Variants in SNTB1 observed in about 807,000 individuals in gnomAD.
The protein encoded by SNTB1 is syntrophin beta 1.
SNTB1 carries 36 observed loss-of-function variants against 48.9 expected under a neutral mutation model. That is an observed-to-expected ratio of 0.74 (90% CI 0.56 to 0.97). The LOEUF is 0.97. Ranked by LOEUF, SNTB1 falls within the 50% of genes least tolerant of loss-of-function variation. The probability of loss-of-function intolerance (pLI) is 0.00; values close to 1 mark genes in which losing one functional copy is unlikely to be tolerated. For missense variants in SNTB1, 786 were observed against 703.4 expected (o/e 1.12, Z -1.33); for synonymous variants, 299 against 294.6 (o/e 1.01, Z -0.15).
chr8:120,633,364 G>C (rs1190166534), intron 2 of SNTB1, among the ~76,000 whole-genome samples: 2 of 152,144 alleles, frequency 1.3e-5, no homozygotes, highest in African/African-American at 4.8e-5. Flanking sequence ...CCAGCACTTT[G>C]GAAGGCTGAG....
chr8:120,724,039 T>C lies in SNTB1; in HGVS notation c.572-30131A>G, dbSNP rs1244148205. 2.6e-5 allele frequency among the ~76,000 whole-genome samples: 4 copies of C among 152,320 alleles called. No individual in the cohort carries two copies. The East Asian group carries it at 7.7e-4, about 29-fold the overall frequency. ...CTAGAGAGTCTGAAACTCAGCTCCATGAAAGAAAAAGATTACTTCAGGCTC... is the reference window on the plus strand; with the variant it reads ...CTAGAGAGTCTGAAACTCAGCTCCACGAAAGAAAAAGATTACTTCAGGCTC... On this transcript the variant is annotated intron_variant, in intron 1 of 6. Transcript: ENST00000517992.
chr8:120,690,927 G>A (rs1015592556), intron 2 of SNTB1, among the ~76,000 whole-genome samples: 2 of 152,150 alleles, frequency 1.3e-5, no homozygotes, highest in Non-Finnish European at 2.9e-5. Flanking sequence ...GAACCATCTG[G>A]CTTAGCTGGA....
chr8:120,676,558 A>G (rs765769585), intron 2 of SNTB1, among the ~76,000 whole-genome samples: 6 of 152,198 alleles, frequency 3.9e-5, no homozygotes, highest in African/African-American at 7.2e-5. Flanking sequence ...ATTGGTTTTT[A>G]ATGAAGTTTT....
intron 3 of SNTB1, among the ~76,000 whole-genome samples, chr8:120,605,049 C>A (rs1033905775): frequency 3.9e-5 from 6 of 152,216 alleles, no homozygotes; most frequent in Admixed American, 6.5e-5. Context: ...TTAATCTCCA[C>A]TCTCCCATTA....
intron 3 of SNTB1, among the ~76,000 whole-genome samples, chr8:120,604,115 T>G (rs953029533): frequency 6.6e-6 from 1 of 152,162 alleles, no homozygotes; most frequent in Non-Finnish European, 1.5e-5. Context: ...AAGGTGTAAG[T>G]TGAGGATGCC....
intron 1 of SNTB1, among the ~76,000 whole-genome samples, chr8:120,697,101 G>C (rs987799033): frequency 4.6e-5 from 7 of 152,228 alleles, no homozygotes; most frequent in Non-Finnish European, 1.0e-4. Context: ...CCACATAAGG[G>C]AAGAGTAATC....
intron 1 of SNTB1, among the ~76,000 whole-genome samples, chr8:120,712,410 A>G (rs369583780): frequency 8.1e-6 from 1 of 124,194 alleles, no homozygotes; most frequent in East Asian, 3.0e-4. Context: ...GTGAGACTCC[A>G]TCTCAAAAAA....
At chr8:120,646,555 G>C (rs1380538419) in intron 2 of SNTB1, among the ~76,000 whole-genome samples, 1 of 151,446 alleles carries the variant, frequency 6.6e-6, no homozygotes, top group African/African-American at 2.4e-5. Context: ...TGTGCTGCTG[G>C]ATTCGTTTTG....
chr8:120,725,470 A>G (rs1818736547), intron 1 of SNTB1, among the ~76,000 whole-genome samples: 1 of 152,182 alleles, frequency 6.6e-6, no homozygotes, highest in South Asian at 2.1e-4. Context: ...GAGTAATTTG[A>G]TGGAAAGGAA....
intron 1 of SNTB1, among the ~76,000 whole-genome samples, chr8:120,810,264 G>A (rs1820402468): frequency 6.6e-6 from 1 of 152,200 alleles, no homozygotes; most frequent in African/African-American, 2.4e-5. Flanking sequence ...TATGTACACA[G>A]CACTAAAGAG....
intron 2 of SNTB1, among the ~76,000 whole-genome samples, chr8:120,659,432 T>C (rs952604066): frequency 5.9e-5 from 9 of 152,206 alleles, no homozygotes; most frequent in African/African-American, 2.2e-4. Flanking sequence ...CGGTCACATC[T>C]TCAGGTCCCA....
chr8:120,543,539 C>G (rs1380907557), intron 5 of SNTB1, among the ~76,000 whole-genome samples: 1 of 152,104 alleles, frequency 6.6e-6, no homozygotes, highest in Non-Finnish European at 1.5e-5. Context: ...GTTTGGCTTT[C>G]AAAATTCAAA....
intron 1 of SNTB1, among the ~76,000 whole-genome samples, chr8:120,772,438 G>C (rs1404211870): frequency 6.6e-6 from 1 of 151,466 alleles, no homozygotes; most frequent in Non-Finnish European, 1.5e-5. Context: ...GTAGAGACGG[G>C]GTTTTACCAT....
At chr8:120,620,643 A>G (rs1311860890) in intron 3 of SNTB1, among the ~76,000 whole-genome samples, 1 of 148,674 alleles carries the variant, frequency 6.7e-6, no homozygotes, top group Non-Finnish European at 1.5e-5. Context: ...GTGCAGCACA[A>G]CTCCCCCCAC....
intron 1 of SNTB1, among the ~76,000 whole-genome samples, chr8:120,696,321 T>C (rs1387607559): frequency 2.0e-5 from 3 of 152,164 alleles, no homozygotes; most frequent in Non-Finnish European, 4.4e-5. Context: ...CTTTAAAAAG[T>C]AGAGATAAGA....
chr8:120,637,945 AC>A, intron 2 of SNTB1: 1 of 215,994 alleles, frequency 4.6e-6, no homozygotes, highest in South Asian at 8.7e-5. Flanking sequence ...AATACGCTTA[AC>A]TTTTATTTCA....
intron 4 of SNTB1, among the ~76,000 whole-genome samples, chr8:120,571,922 A>G (rs1324447394): frequency 6.6e-6 from 1 of 152,108 alleles, no homozygotes; most frequent in African/African-American, 2.4e-5. Context: ...AAGGTGATCT[A>G]GGCCTGGTTC....
chr8:120,746,726 T>C (rs1187953783), intron 1 of SNTB1, among the ~76,000 whole-genome samples: 1 of 152,244 alleles, frequency 6.6e-6, no homozygotes, highest in African/African-American at 2.4e-5. Flanking sequence ...AAAATAATGA[T>C]TTCTTTCCGT....
At chr8:120,616,132 T>G (rs1009149046) in intron 3 of SNTB1, among the ~76,000 whole-genome samples, 11 of 152,062 alleles carry the variant, frequency 7.2e-5, no homozygotes, top group African/African-American at 2.4e-4. Flanking sequence ...CTTCCTCACA[T>G]CTCCAAGTCG....
Sources: allele counts gnomAD v4.1 joint callset (sites outside exome capture counted in the v4.1 genomes callset), GRCh38; gene constraint gnomAD v4.1.1; transcripts MANE v1.5; gene names NCBI Gene and HGNC (gene_info 2026-07-23, HGNC 2026-07-21).